Variants in PRH1 observed in about 807,000 individuals in gnomAD.
PRH1 encodes salivary acidic proline-rich phosphoprotein 1/2.
PRH1 carries 7 observed loss-of-function variants against 7.9 expected under a neutral mutation model. The ratio of observed to expected loss-of-function variants is 0.89; its 90% confidence interval spans 0.50 to 1.67. PRH1 has a LOEUF of 1.67. Ranked by LOEUF, PRH1 falls within the 40% of genes most tolerant of loss-of-function variation. The pLI is 0.00. For synonymous variants in PRH1, 45 were observed against 80.8 expected, an observed-to-expected ratio of 0.56 and a Z score of 2.38; for missense variants, 109 against 223.6, an observed-to-expected ratio of 0.49 and a Z score of 3.27.
intron 1 of PRH1, among the ~76,000 whole-genome samples, chr12:11,170,843 T>C (rs969394158): frequency 1.3e-5 from 2 of 152,260 alleles, no homozygotes; most frequent in African/African-American, 2.4e-5. Flanking sequence ...ATCCTTTTTA[T>C]GTCTATGGTA....
chr12:11,033,233 G>C (rs550210474), intron 1 of PRH1, among the ~76,000 whole-genome samples: 2 of 152,134 alleles, frequency 1.3e-5, no homozygotes, highest in Non-Finnish European at 2.9e-5. Flanking sequence ...AGGGCATGGT[G>C]GTGTGCACCT....
At chr12:11,166,374 T>G (rs1193258592) in intron 1 of PRH1, 1 of 152,298 alleles carries the variant, frequency 6.6e-6, no homozygotes, top group Non-Finnish European at 1.5e-5. Context: ...GCAAGTGAGT[T>G]TCCTGGACTT....
chr12:10,930,286 G>A (rs776898585), intron 2 of PRH1: 7 of 1,613,216 alleles, frequency 4.3e-6, no homozygotes, highest in East Asian at 2.2e-5. Context: ...CCAAGAAGAC[G>A]TTCCCTTGGT....
rs1406568990 is a variant in PRH1, at chr12:11,077,376, C to T, written n.124-30188G>A. ...TGACCTGACATAAAACTGAAAGAAACGTCTGTTTTAGTTTCCTGCTTCCCA... is the reference window on the plus strand; with the variant it reads ...TGACCTGACATAAAACTGAAAGAAATGTCTGTTTTAGTTTCCTGCTTCCCA... On this transcript the variant is annotated intron_variant and non_coding_transcript_variant, in intron 1 of 4. Transcript: ENST00000541977. 129 of 408,504 alleles carry T rather than the reference C, an allele frequency of 3.2e-4. 35 individuals are homozygous for T. The highest frequency in any genetic ancestry group is 4.5e-4 in the Non-Finnish European group (103 of 229,078). The allele number at this position is 408,504 out of a possible 1,614,324, so 25.3% of individuals were successfully genotyped here. A position where few individuals can be genotyped will look rare whatever the true frequency, so the allele number is the denominator to read the frequency against.
At chr12:10,980,376 A>C (rs1189962259) in intron 1 of PRH1, among the ~76,000 whole-genome samples, 1 of 152,104 alleles carries the variant, frequency 6.6e-6, no homozygotes, top group Non-Finnish European at 1.5e-5. Context: ...CAATATTTAC[A>C]TTGCTATTTT....
At chr12:10,948,459 C>T (rs549426230) in intron 2 of PRH1, among the ~76,000 whole-genome samples, 4 of 152,250 alleles carry the variant, frequency 2.6e-5, no homozygotes, top group Non-Finnish European at 4.4e-5. Context: ...TCTTGTATTG[C>T]GTTATTCAGC....
At chr12:11,041,786 G>A (rs1158543517) in intron 1 of PRH1, among the ~76,000 whole-genome samples, 2 of 152,086 alleles carry the variant, frequency 1.3e-5, no homozygotes, top group East Asian at 1.9e-4. Flanking sequence ...ATCAACTCTG[G>A]CCACAATGGG....
In PRH1 at chr12:11,085,729, C is replaced by T. The variant is rs1944664881; in HGVS notation, n.124-38541G>A. Among the ~76,000 whole-genome samples the T allele has an allele frequency of 1.7e-5, 2 of 116,338 alleles. 1 individual carries two copies. Among genetic ancestry groups the T allele is most frequent in the Non-Finnish European group, 4.1e-5 (2 of 49,074 alleles). 76.3% of individuals were successfully genotyped at this position (116,338 alleles called of 152,430 possible). On this transcript the variant is annotated intron_variant and non_coding_transcript_variant, in intron 1 of 4. Transcript: ENST00000541977. ...TCTCATACTGATGTTGAAGTGAAAC[C>T]TGAATTCTCAATTCCAGGCATACAA...
At chr12:10,911,068 T>C (rs1332109154) in intron 2 of PRH1, among the ~76,000 whole-genome samples, 4 of 152,232 alleles carry the variant, frequency 2.6e-5, no homozygotes, top group Non-Finnish European at 5.9e-5. Flanking sequence ...TTATGACCTT[T>C]AAATATGTAG....
At chr12:11,118,993 CAAAAAAAAAAA>C (rs3983928), downstream of PRH1, among the ~76,000 whole-genome samples, 8 of 75,596 alleles carry the variant, frequency 1.1e-4, no homozygotes, top group Middle Eastern at 9.3e-3. Flanking sequence ...GACTCCATCT[CAAAAAAAAAAA>C]AAAAAAAAAA....
chr12:11,141,017 CTTA>C (rs1259559511), intron 1 of PRH1, among the ~76,000 whole-genome samples: 1 of 151,906 alleles, frequency 6.6e-6, no homozygotes, highest in Non-Finnish European at 1.5e-5. Context: ...ACTTGTATAA[CTTA>C]TTGTTAACAA....
chr12:11,077,957 T>C lies in PRH1; in HGVS notation n.124-30769A>G, dbSNP rs192989880. 2.6e-3 allele frequency: 2,365 copies of C among 894,842 alleles called. 324 individuals carry two copies. Among genetic ancestry groups the C allele is most frequent in the Non-Finnish European group, 3.8e-3 (2,067 of 547,498 alleles). The allele number at this position is 894,842 out of a possible 1,614,324, so 55.4% of individuals were successfully genotyped here. ...ATGCTGAGGCTAGCAGCAAGCCAGA[T>C]GCTGAAATGGTTGATTATTGCTGAG... is the stretch of plus-strand genomic sequence containing the variant. On this transcript the variant is annotated intron_variant and non_coding_transcript_variant, in intron 1 of 4. Transcript: ENST00000541977.
chr12:10,980,467 C>T (rs1939300088), intron 1 of PRH1, among the ~76,000 whole-genome samples: 1 of 152,154 alleles, frequency 6.6e-6, no homozygotes, highest in South Asian at 2.1e-4. Flanking sequence ...GATCCTCCCA[C>T]ATTCTCCCTA....
intron 1 of PRH1, among the ~76,000 whole-genome samples, chr12:10,993,376 T>G (rs1249364017): frequency 1.3e-5 from 2 of 152,176 alleles, no homozygotes; most frequent in Admixed American, 6.6e-5. Flanking sequence ...TTAATAATAT[T>G]GCATTAACTG....
intron 1 of PRH1, among the ~76,000 whole-genome samples, chr12:11,142,549 G>A (rs2136397461): frequency 6.6e-6 from 1 of 152,190 alleles, no homozygotes. Context: ...CAACATTCAT[G>A]GTCAATTGCT....
chr12:11,072,696 C>T (rs1339606226), intron 1 of PRH1, among the ~76,000 whole-genome samples: 1 of 152,054 alleles, frequency 6.6e-6, no homozygotes, highest in Non-Finnish European at 1.5e-5. Flanking sequence ...TAAATCACTA[C>T]TTACAAATGC....
chr12:11,091,115 C>CACACACATATATATATATATATAT (rs751016037), intron 1 of PRH1, among the ~76,000 whole-genome samples: 569 of 25,050 alleles, frequency 0.023, 66 homozygotes, highest in Non-Finnish European at 0.048. Flanking sequence ...CACACACACA[C>CACACACATATATATATATATATAT]ATATATATAT....
chr12:11,031,763 T>A (rs1269056761), intron 1 of PRH1, among the ~76,000 whole-genome samples: 2 of 152,102 alleles, frequency 1.3e-5, no homozygotes, highest in African/African-American at 2.4e-5. Flanking sequence ...ATTGCTGTGG[T>A]TTTACAGTGC....
intron 2 of PRH1, among the ~76,000 whole-genome samples, chr12:10,963,218 CTTGT>C (rs1270679733): frequency 2.1e-4 from 32 of 152,122 alleles, no homozygotes; most frequent in Middle Eastern, 3.4e-3. Context: ...GTAGAATTTA[CTTGT>C]TTAATGACGT....
Sources: gnomAD v4.1 joint callset for allele counts (sites outside exome capture counted in the v4.1 genomes callset) on GRCh38, gnomAD v4.1.1 for gene constraint, MANE v1.5 for transcripts, NCBI Gene and HGNC (gene_info 2026-07-23, HGNC 2026-07-21) for gene names.